Variants in LLGL1 observed in about 807,000 individuals in gnomAD.
LLGL1 encodes LLGL scribble cell polarity complex component 1, also known as lethal(2) giant larvae protein homolog 1.
LLGL1 carries 58 observed loss-of-function variants against 110.6 expected under a neutral mutation model. The observed-to-expected ratio is 0.52, with a 90% confidence interval of 0.42 to 0.65. The LOEUF is 0.65. Ranked by LOEUF, LLGL1 falls within the 30% of genes least tolerant of loss-of-function variation. LLGL1 has a pLI of 0.00. For synonymous variants in LLGL1, 674 were observed against 607.2 expected, an observed-to-expected ratio of 1.11 and a Z score of -1.62; for missense variants, 1,229 against 1,462.1, an observed-to-expected ratio of 0.84 and a Z score of 2.60.
At position 18,237,509 on chromosome 17, in the gene LLGL1, C is replaced by T. The variant is rs1263478058; in HGVS notation, c.1640C>T (p.Pro547Leu). 24 of 1,595,658 alleles carry T rather than the reference C, an allele frequency of 1.5e-5. No individual in the cohort carries two copies. The highest frequency in any genetic ancestry group is 2.3e-4 in the Middle Eastern group (1 of 4,428). The change falls in exon 14 of 23, where the codon CCG (proline) becomes CTG (leucine). Residue 547 changes from proline to leucine, a missense_variant. Coordinates refer to ENST00000316843, the MANE Select transcript of LLGL1 (RefSeq NM_004140.4). ...QVLVLELSDVPVEQAVSVAII... is the reference protein window; with the variant it reads ...QVLVLELSDVLVEQAVSVAII... ...CTGGTACTGGAGCTTAGTGATGTGC[C>T]GGTGGAGCAGGCGGTCAGCGTGGCC...
Position 18,241,514 on chromosome 17 carries a change from C to A in LLGL1, c.2566C>A (p.Arg856Ser). Residue 856 changes from arginine (R) to serine (S), a missense_variant, in exon 18 of 23, where the codon CGT (arginine) becomes AGT (serine). Arg to Ser is a moderately radical substitution (Grantham distance 110). Coordinates refer to ENST00000316843, the MANE Select transcript of LLGL1 (RefSeq NM_004140.4). Reference sequence around the variant, plus strand: ...CAAGCTGACGGCCCATGAGGGCTGTCGTGTGCGCAAGGTGGCACTGGCCAC... The same window carrying A: ...CAAGCTGACGGCCCATGAGGGCTGTAGTGTGCGCAAGGTGGCACTGGCCAC... ...KFKLTAHEGCRVRKVALATFA... is the reference protein window; with the variant it reads ...KFKLTAHEGCSVRKVALATFA... The A allele has an allele frequency of 6.2e-7, 1 of 1,613,812 alleles. No individual in the cohort carries two copies. The highest frequency in any genetic ancestry group is 8.5e-7 in the Non-Finnish European group (1 of 1,180,004).
At chr17:18,235,608 G>A (rs541861890) in intron 11 of LLGL1, 71 bp downstream of exon 11, 2 of 1,465,722 alleles carry the variant, frequency 1.4e-6, no homozygotes, top group East Asian at 4.5e-5. Flanking sequence ...GGGCCTGGTG[G>A]GTGCAGAGGT....
rs760180699 is a variant in LLGL1, at chr17:18,240,606, T to C, written c.2235T>C (p.Ala745=). The C allele has an allele frequency of 6.2e-7, 1 of 1,604,464 alleles. No homozygotes were observed. The highest frequency in any genetic ancestry group is 1.7e-5 in the Admixed American group (1 of 59,784). ...DGAHHGPTMW[A]GTNSGSVFAY... The stretch of plus-strand genomic sequence containing the variant: ...CCCACCACGGGCCCACCATGTGGGC[T>C]GGCACCAACTCAGGCTCTGTGTTCG... The change falls in exon 17 of 23, where the codon GCT becomes GCC. Residue 745 remains alanine, a synonymous_variant. Transcript: ENST00000316843. This position sits in a 1 kb window ranked among gnomAD's most constrained non-coding sequence, Gnocchi z 5.3.
At chr17:18,237,901 G>T in intron 14 of LLGL1, 128 bp downstream of exon 14, 5 of 1,292,858 alleles carry the variant, frequency 3.9e-6, no homozygotes, top group Non-Finnish European at 5.3e-6. Context: ...GAAATAACCT[G>T]GCAGCTCCAA....
In LLGL1 at chr17:18,230,921, TG is replaced by T. The variant is rs1412237489; in HGVS notation, c.179+884del. On this transcript the variant is annotated intron_variant, in intron 2 of 22. Transcript: ENST00000316843. ...TCTGGGGAGTGTGGATGGGCTGAGA[TG>T]TCCCCTTCTCTCCCATGGCCCCAGC... Among the ~76,000 whole-genome samples, 4 of 152,306 alleles carry T rather than the reference TG, an allele frequency of 2.6e-5. No homozygotes were observed. The East Asian group carries it at 7.7e-4, about 29-fold the overall frequency.
rs1412433390 is a variant in LLGL1 at position 18,238,452 on chromosome 17, G to A, written c.2053-4G>A. ...GACAGTGTTCAGGAGCCCCCGCCCG[G>A]CAGTTGCAGGAAGCCAATGCACAGC... On this transcript the variant is annotated splice_region_variant and splice_polypyrimidine_tract_variant and intron_variant, in intron 15 of 22. Transcript: ENST00000316843. 1 of 1,605,204 alleles carries A rather than the reference G, an allele frequency of 6.2e-7. No homozygotes were observed. The highest frequency in any genetic ancestry group is 1.1e-5 in the South Asian group (1 of 90,608).
Position 18,233,909 on chromosome 17 carries a change from C to T in LLGL1, c.524C>T (p.Thr175Met), listed in dbSNP as rs751755671. The change falls in exon 5 of 23, where the codon ACG becomes ATG. Residue 175 changes from threonine to methionine, a missense_variant. Transcript: ENST00000316843. ...ACCCTGACCCTGCTCGAGGGGCAGA[C>T]GCTTGCCCCAGGCGAGGTTCTGCGC... is the stretch of plus-strand genomic sequence containing the variant. Reference protein sequence around the residue: ...VTTLTLLEGQTLAPGEVLRSV... With the variant: ...VTTLTLLEGQMLAPGEVLRSV... 10 of 1,613,012 alleles carry T rather than the reference C, an allele frequency of 6.2e-6. No individual in the cohort carries two copies. Among genetic ancestry groups the T allele is most frequent in the South Asian group, 5.5e-5 (5 of 91,082 alleles).
At chr17:18,233,516 C>T (rs2047615898) in intron 4 of LLGL1, among the ~76,000 whole-genome samples, 1 of 152,152 alleles carries the variant, frequency 6.6e-6, no homozygotes, top group Non-Finnish European at 1.5e-5. Context: ...TCCTGCTGTC[C>T]TCTCCTGGTG....
chr17:18,237,168 TCA>T (rs1405111814), intron 13 of LLGL1: 3 of 597,854 alleles, frequency 5.0e-6, no homozygotes, highest in Non-Finnish European at 3.0e-6. Flanking sequence ...GCTCCGGCAC[TCA>T]CATGACATAC....
chr17:18,235,611 G>A lies in LLGL1; in HGVS notation c.1352+74G>A, dbSNP rs113200877. 6,940 of 1,471,478 alleles carry A rather than the reference G, an allele frequency of 4.7e-3. 109 individuals are homozygous for A. The African/African-American group carries it at 0.047, about 10-fold the overall frequency. 91.2% of individuals were successfully genotyped at this position (1,471,478 alleles called of 1,614,324 possible). A position where few individuals can be genotyped will look rare whatever the true frequency, so the allele number is the denominator to read the frequency against. ...AGAGCCCATCCTGGGCCTGGTGGGT[G>A]CAGAGGTGCCAGGAGACTCAGGCCT... is the stretch of plus-strand genomic sequence containing the variant. On this transcript the variant is annotated intron_variant, in intron 11 of 22. Transcript: ENST00000316843.
Position 18,240,956 on chromosome 17 carries a change from A to G in LLGL1, c.2502+83A>G. 3.7e-6 allele frequency: 5 copies of G among 1,355,932 alleles called. No homozygotes were observed. Among genetic ancestry groups the G allele is most frequent in the Non-Finnish European group, 4.9e-6 (5 of 1,015,170 alleles). The allele number at this position is 1,355,932 out of a possible 1,614,324, so 84.0% of individuals were successfully genotyped here. ...ATGGACACCATTGGACCCTCAAGAA[A>G]CCCTTCCTGCCTGTATCCCCCACTG... is the stretch of plus-strand genomic sequence containing the variant. On this transcript the variant is annotated intron_variant, in intron 17 of 22. Coordinates refer to ENST00000316843, the MANE Select transcript of LLGL1 (RefSeq NM_004140.4). The surrounding 1 kb of genome is among the most constrained non-coding windows in gnomAD (Gnocchi z 5.3).
chr17:18,227,395 C>CT (rs34800060), intron 1 of LLGL1, among the ~76,000 whole-genome samples: 113,485 of 147,414 alleles, frequency 0.77, 43,664 homozygotes, highest in African/African-American at 0.83. Flanking sequence ...CTAAATGTCA[C>CT]TTTTTTTTTT....
rs374223269 is a variant in LLGL1 at position 18,235,341 on chromosome 17, A to G, written c.1284+29A>G. The G allele has an allele frequency of 5.0e-6, 8 of 1,607,654 alleles. No individual in the cohort carries two copies. In the East Asian group the frequency reaches 1.1e-4, roughly 22 times the overall value. ...TGTGCGGCGATCAGGGGGGTCTTAC[A>G]GGGTGGAGTCTTGAGGAGGGGGAGA... On this transcript the variant is annotated intron_variant, in intron 10 of 22. Coordinates refer to ENST00000316843, the MANE Select transcript of LLGL1 (RefSeq NM_004140.4).
chr17:18,232,881 C>A (rs922741498), intron 4 of LLGL1, 79 bp downstream of exon 4: 2 of 1,581,986 alleles, frequency 1.3e-6, no homozygotes, highest in African/African-American at 2.7e-5. Context: ...TGTGCAAAGG[C>A]AGCATGGAGA....
chr17:18,240,551 AC>A lies in LLGL1; in HGVS notation c.2207-24del. 1 of 1,555,964 alleles carries A rather than the reference AC, an allele frequency of 6.4e-7. No homozygotes were observed. Among genetic ancestry groups the A allele is most frequent in the South Asian group, 1.2e-5 (1 of 83,034 alleles). ...GGGAGATGCCTGGCCCACAGGGAGC[AC>A]CCTCCTACGCGCTTGTTTTCTGCAG... On this transcript the variant is annotated intron_variant, in intron 16 of 22. Coordinates refer to ENST00000316843, the MANE Select transcript of LLGL1 (RefSeq NM_004140.4). This position sits in a 1 kb window ranked among gnomAD's most constrained non-coding sequence, Gnocchi z 5.3.
At chr17:18,242,847 C>T (rs923178230) in intron 22 of LLGL1, 25 bp downstream of exon 22, 1 of 1,534,152 alleles carries the variant, frequency 6.5e-7, no homozygotes. Flanking sequence ...GGGCCCTGGT[C>T]CTCACCACTG....
intron 11 of LLGL1, 72 bp downstream of exon 11, chr17:18,235,609 G>A: frequency 2.0e-6 from 3 of 1,466,488 alleles, no homozygotes; most frequent in African/African-American, 1.4e-5. Flanking sequence ...GGCCTGGTGG[G>A]TGCAGAGGTG....
chr17:18,237,758 G>C lies in LLGL1; in HGVS notation c.1889G>C (p.Ser630Thr). ...GGCCTCTTCGACTACCAGCGCAAGA[G>C]CCCTGTGCTGGCCAGGTGTGTGGGG... ...GFGLFDYQRK[S>T]PVLARCTLHP... The change falls in exon 14 of 23, where the codon AGC (serine) becomes ACC (threonine). Residue 630 changes from serine to threonine, a missense_variant. Coordinates refer to ENST00000316843, the MANE Select transcript of LLGL1 (RefSeq NM_004140.4). 1 of 1,607,596 alleles carries C rather than the reference G, an allele frequency of 6.2e-7. No individual in the cohort carries two copies. The highest frequency in any genetic ancestry group is 1.1e-5 in the South Asian group (1 of 90,882).
At chr17:18,226,532 G>A (rs995187517) in intron 1 of LLGL1, among the ~76,000 whole-genome samples, 1 of 152,212 alleles carries the variant, frequency 6.6e-6, no homozygotes, top group African/African-American at 2.4e-5. Context: ...CCGGGGCTCC[G>A]AGTCCAGGGG....
Sources: allele counts gnomAD v4.1 joint callset (sites outside exome capture counted in the v4.1 genomes callset), GRCh38; gene constraint gnomAD v4.1.1; non-coding constraint Gnocchi (gnomAD v3.1); transcripts MANE v1.5; gene names NCBI Gene and HGNC (gene_info 2026-07-23, HGNC 2026-07-21).